Variants in SYT2 observed in about 807,000 individuals in gnomAD.
SYT2 encodes synaptotagmin-2.
In SYT2, 15 loss-of-function variants were observed where a neutral mutation model predicts 39.9. That is an observed-to-expected ratio of 0.38 (90% CI 0.25 to 0.58). The LOEUF (loss-of-function observed/expected upper bound fraction) is 0.58. Ranked by LOEUF, SYT2 falls within the 20% of genes least tolerant of loss-of-function variation. The pLI, the probability that SYT2 is intolerant of heterozygous loss-of-function variation, is 0.70. For synonymous variants in SYT2, 181 were observed against 204.5 expected (o/e 0.89, Z 0.98); for missense variants, 389 against 530.3 (o/e 0.73, Z 2.62).
At chr1:202,684,392 G>T (rs1262192213) in intron 1 of SYT2, among the ~76,000 whole-genome samples, 1 of 148,340 alleles carries the variant, frequency 6.7e-6, no homozygotes, top group Non-Finnish European at 1.5e-5. Flanking sequence ...TACAGTATTT[G>T]TTATTCTGTG....
chr1:202,668,967 T>A (rs974335641), intron 1 of SYT2, among the ~76,000 whole-genome samples: 1 of 152,230 alleles, frequency 6.6e-6, no homozygotes, highest in Non-Finnish European at 1.5e-5. Flanking sequence ...CTTGTAGTAA[T>A]CAGGTATCTG....
chr1:202,676,190 C>A (rs1653369985), intron 1 of SYT2, among the ~76,000 whole-genome samples: 1 of 152,120 alleles, frequency 6.6e-6, no homozygotes, highest in Non-Finnish European at 1.5e-5. Context: ...CTTCCCCCCA[C>A]CCAATTCAGA....
chr1:202,699,287 G>A (rs1367508945), intron 1 of SYT2, among the ~76,000 whole-genome samples: 1 of 152,116 alleles, frequency 6.6e-6, no homozygotes, highest in Non-Finnish European at 1.5e-5. Context: ...CTCTCAGAGT[G>A]CTGGGATTAC....
At chr1:202,690,320 C>T (rs1488185501) in intron 1 of SYT2, among the ~76,000 whole-genome samples, 5 of 152,174 alleles carry the variant, frequency 3.3e-5, no homozygotes, top group Non-Finnish European at 7.4e-5. Flanking sequence ...GAAATAGACA[C>T]GCTCTCTTTA....
intron 1 of SYT2, among the ~76,000 whole-genome samples, chr1:202,656,667 G>A (rs1189884094): frequency 6.6e-6 from 1 of 152,218 alleles, no homozygotes; most frequent in African/African-American, 2.4e-5. Flanking sequence ...ACACATATGT[G>A]GAGGGCCGAA....
At chr1:202,651,163 A>T (rs1572658549) in intron 1 of SYT2, among the ~76,000 whole-genome samples, 1 of 151,962 alleles carries the variant, frequency 6.6e-6, no homozygotes, top group Non-Finnish European at 1.5e-5. Flanking sequence ...GAAAGCCAAT[A>T]CCAGTCTACA....
chr1:202,698,400 G>A (rs768676683), intron 1 of SYT2, among the ~76,000 whole-genome samples: 9 of 152,116 alleles, frequency 5.9e-5, no homozygotes, highest in Admixed American at 1.3e-4. Flanking sequence ...ATCTGACCTC[G>A]TCTGAAGGCG....
chr1:202,605,754 T>A lies in SYT2; in HGVS notation c.19A>T (p.Arg7Trp), dbSNP rs564575210. 1.2e-6 allele frequency: 2 copies of A among 1,614,086 alleles called. No homozygotes were observed. Among genetic ancestry groups the A allele is most frequent in the Admixed American group, 1.7e-5 (1 of 60,016 alleles). MRNIFKRNQEPIVAPAT... is the reference protein window; with the variant it reads MRNIFKWNQEPIVAPAT... ...GGAGCCACAATAGGCTCCTGGTTCC[T>A]CTTGAAAATGTTCCTCATGGTGGCA... Residue 7 changes from arginine to tryptophan, a missense_variant, in exon 2 of 9, where the codon AGG (arginine) becomes TGG (tryptophan). Physicochemically the swap from Arg to Trp is moderately radical, Grantham distance 101. This residue lies in a region of SYT2 where 280 missense variants were observed against 335.6 expected (regional missense o/e 0.83). Transcript: ENST00000367268.
chr1:202,692,165 G>T (rs1216983557), intron 1 of SYT2, among the ~76,000 whole-genome samples: 1 of 152,100 alleles, frequency 6.6e-6, no homozygotes, highest in African/African-American at 2.4e-5. Context: ...GCCCAGATCT[G>T]GTACCCTGCT....
At chr1:202,675,374 T>C (rs1653339300) in intron 1 of SYT2, among the ~76,000 whole-genome samples, 1 of 148,350 alleles carries the variant, frequency 6.7e-6, no homozygotes, top group Non-Finnish European at 1.5e-5. Flanking sequence ...ATAATTAATA[T>C]ATATTATAAT....
intron 1 of SYT2, among the ~76,000 whole-genome samples, chr1:202,652,964 C>A (rs1278494880): frequency 2.0e-5 from 3 of 151,534 alleles, no homozygotes; most frequent in Non-Finnish European, 4.4e-5. Context: ...CCACCCACCC[C>A]CCCTTAGAGT....
chr1:202,634,098 T>C (rs558039768), intron 1 of SYT2, among the ~76,000 whole-genome samples: 4 of 152,254 alleles, frequency 2.6e-5, no homozygotes, highest in Non-Finnish European at 5.9e-5. Flanking sequence ...GATGCCTCCA[T>C]TTCTTCACTT....
chr1:202,607,509 T>C (rs534374701), intron 1 of SYT2, among the ~76,000 whole-genome samples: 49 of 152,356 alleles, frequency 3.2e-4, no homozygotes, highest in African/African-American at 1.1e-3. Flanking sequence ...TCAGGGTTCT[T>C]CTGAAGGAAC....
chr1:202,686,548 G>T lies in SYT2; in HGVS notation c.-18+23710C>A, dbSNP rs144824978. 1.6e-3 allele frequency among the ~76,000 whole-genome samples: 240 copies of T among 152,226 alleles called. 1 individual carries two copies. Among genetic ancestry groups the T allele is most frequent in the African/African-American group, 5.4e-3 (225 of 41,512 alleles). Reference sequence around the variant, plus strand: ...TGAGAAAGAAGTGGCATGATAATGGGGGGTGGGGGAGCTTCCCACTCTCAG... The same window carrying T: ...TGAGAAAGAAGTGGCATGATAATGGTGGGTGGGGGAGCTTCCCACTCTCAG... On this transcript the variant is annotated intron_variant, in intron 1 of 8. Transcript: ENST00000367268.
chr1:202,626,398 CTTTTTTTTTTTTTTT>C (rs58802666), intron 1 of SYT2, among the ~76,000 whole-genome samples: 1 of 72,432 alleles, frequency 1.4e-5, no homozygotes, highest in Non-Finnish European at 2.7e-5. Context: ...AGCCTCTCAG[CTTTTTTTTTTTTTTT>C]TTTTTTTTTT....
rs1690149849 is a variant in SYT2, at chr1:202,592,328, C to G, written c.*4429G>C. On this transcript the variant is annotated 3_prime_UTR_variant, in exon 9 of 9. Transcript: ENST00000367268. ...TCCTCCAGCATCTCCCAAGGCAGGG[C>G]TGGACTGGAGCAGGCACCGACTCCC... 1 of 152,708 alleles carries G rather than the reference C, an allele frequency of 6.5e-6. No homozygotes were observed. 9.5% of individuals were successfully genotyped at this position (152,708 alleles called of 1,614,324 possible). A position where few individuals can be genotyped will look rare whatever the true frequency, so the allele number is the denominator to read the frequency against.
At chr1:202,693,851 T>C (rs1455664812) in intron 1 of SYT2, among the ~76,000 whole-genome samples, 2 of 152,378 alleles carry the variant, frequency 1.3e-5, no homozygotes, top group African/African-American at 4.8e-5. Context: ...CTCATGGTGC[T>C]TCAGGCTGTA....
At chr1:202,637,507 T>A (rs1227839899) in intron 1 of SYT2, among the ~76,000 whole-genome samples, 1 of 152,162 alleles carries the variant, frequency 6.6e-6, no homozygotes, top group African/African-American at 2.4e-5. Context: ...GGGGTGGGGA[T>A]GGGGGACAGG....
chr1:202,598,578 C>A (rs1476523920), intron 8 of SYT2, among the ~76,000 whole-genome samples: 1 of 139,748 alleles, frequency 7.2e-6, no homozygotes, highest in Non-Finnish European at 1.5e-5. Flanking sequence ...ACCAAGACTC[C>A]ATGATAACCG....
Sources: allele counts gnomAD v4.1 joint callset (sites outside exome capture counted in the v4.1 genomes callset), GRCh38; gene constraint gnomAD v4.1.1; regional missense constraint gnomAD v4.1.1; transcripts MANE v1.5; gene names NCBI Gene and HGNC (gene_info 2026-07-23, HGNC 2026-07-21).